Variants in EPHA3 observed in about 807,000 individuals in gnomAD.
EPHA3 encodes the protein EPH receptor A3.
Under a neutral mutation model 107.1 loss-of-function variants are expected in EPHA3, and 42 were observed. The observed-to-expected ratio is 0.39, with a 90% CI of 0.31 to 0.51. The LOEUF is 0.51. Among genes scored for constraint, EPHA3 ranks in the 20% least tolerant of loss-of-function variants. The probability of loss-of-function intolerance (pLI) is 0.78; values close to 1 mark genes in which losing one functional copy is unlikely to be tolerated. For missense variants in EPHA3, 1,183 were observed against 1,211.2 expected (o/e 0.98, Z 0.35); for synonymous variants, 461 against 424.8 (o/e 1.09, Z -1.05).
At chr3:89,258,274 C>T (rs1052515206) in intron 3 of EPHA3, among the ~76,000 whole-genome samples, 6 of 152,042 alleles carry the variant, frequency 3.9e-5, no homozygotes, top group East Asian at 3.9e-4. Flanking sequence ...ATAGGGATGA[C>T]GAGAGAAACG....
At chr3:89,223,159 T>A (rs1334504753) in intron 3 of EPHA3, among the ~76,000 whole-genome samples, 1 of 152,198 alleles carries the variant, frequency 6.6e-6, no homozygotes, top group East Asian at 1.9e-4. Flanking sequence ...GTATGCTGCT[T>A]TAAAATCTAT....
At chr3:89,378,883 CA>C (rs1708450487) in intron 5 of EPHA3, among the ~76,000 whole-genome samples, 1 of 152,088 alleles carries the variant, frequency 6.6e-6, no homozygotes, top group South Asian at 2.1e-4. Context: ...AATCAGTTCT[CA>C]AAATTCTGAG....
chr3:89,338,661 G>T (rs1448280883), intron 3 of EPHA3, among the ~76,000 whole-genome samples: 2 of 152,190 alleles, frequency 1.3e-5, no homozygotes, highest in Admixed American at 6.5e-5. Context: ...CCATTCTCCT[G>T]CCTCAGCCTC....
chr3:89,116,023 A>C (rs1473946231), intron 1 of EPHA3, among the ~76,000 whole-genome samples: 2 of 152,194 alleles, frequency 1.3e-5, no homozygotes, highest in Non-Finnish European at 2.9e-5. Flanking sequence ...GGTACTTTGG[A>C]ACTGTAGTTA....
intron 13 of EPHA3, among the ~76,000 whole-genome samples, chr3:89,431,583 T>G (rs371755418): frequency 6.6e-6 from 1 of 152,150 alleles, no homozygotes; most frequent in South Asian, 2.1e-4. Flanking sequence ...CTCAGTTTAA[T>G]GTTCCCCACC....
At chr3:89,276,560 C>CAT (rs1252105953) in intron 3 of EPHA3, among the ~76,000 whole-genome samples, 1 of 151,942 alleles carries the variant, frequency 6.6e-6, no homozygotes, top group Non-Finnish European at 1.5e-5. Flanking sequence ...TTAAAATGTG[C>CAT]ATATATATTA....
chr3:89,399,639 A>G, intron 7 of EPHA3, 159 bp downstream of exon 7: 1 of 1,305,672 alleles, frequency 7.7e-7, no homozygotes, highest in Non-Finnish European at 9.8e-7. Context: ...GTCTGTATAC[A>G]GTATTTGTGT....
chr3:89,472,743 G>C, intron 16 of EPHA3, 124 bp downstream of exon 16: 1 of 1,123,448 alleles, frequency 8.9e-7, no homozygotes, highest in Non-Finnish European at 1.2e-6. Flanking sequence ...CTGAGGTACT[G>C]ACTACCGCCT....
At chr3:89,259,548 T>TA (rs1233037262) in intron 3 of EPHA3, among the ~76,000 whole-genome samples, 2 of 152,196 alleles carry the variant, frequency 1.3e-5, no homozygotes, top group Non-Finnish European at 2.9e-5. Flanking sequence ...TACTGTTTTT[T>TA]AAAAAAGGTA....
chr3:89,431,327 G>A lies in EPHA3; in HGVS notation c.2314G>A (p.Glu772Lys), dbSNP rs1411035734. 1 of 1,613,562 alleles carries A rather than the reference G, an allele frequency of 6.2e-7. No individual in the cohort carries two copies. Among genetic ancestry groups the A allele is most frequent in the East Asian group, 2.2e-5 (1 of 44,812 alleles). Residue 772 changes from glutamate to lysine, a missense_variant, in exon 13 of 17, where the codon GAG (glutamate) becomes AAG (lysine). Coordinates refer to ENST00000336596, the MANE Select transcript of EPHA3 (RefSeq NM_005233.6). ...TGATTTCGGACTTTCGCGTGTCCTG[G>A]AGGATGACCCAGAAGCTGCTTATAC... Reference protein sequence around the residue: ...VSDFGLSRVLEDDPEAAYTTR... With the variant: ...VSDFGLSRVLKDDPEAAYTTR...
chr3:89,148,977 A>C (rs1194588865), intron 2 of EPHA3, among the ~76,000 whole-genome samples: 1 of 152,080 alleles, frequency 6.6e-6, no homozygotes, highest in Admixed American at 6.6e-5. Context: ...GAACCTGAGA[A>C]TACCGAGTCA....
At position 89,450,041 on chromosome 3, in the gene EPHA3, T is replaced by G. The variant is rs1709955311; in HGVS notation, c.2497-136T>G. 8 of 617,088 alleles carry G rather than the reference T, an allele frequency of 1.3e-5. No individual in the cohort carries two copies. The South Asian group carries it at 2.2e-4, about 17-fold the overall frequency. 38.2% of individuals were successfully genotyped at this position (617,088 alleles called of 1,614,324 possible). ...ATTTATTTGATCAGTTGTTATCCTTTTAGGCAACTAAAAATGAGAAGTTTT... is the reference window on the plus strand; with the variant it reads ...ATTTATTTGATCAGTTGTTATCCTTGTAGGCAACTAAAAATGAGAAGTTTT... On this transcript the variant is annotated intron_variant, in intron 14 of 16. Transcript: ENST00000336596.
chr3:89,451,080 G>T (rs373911936), intron 15 of EPHA3, among the ~76,000 whole-genome samples: 1 of 152,090 alleles, frequency 6.6e-6, no homozygotes, highest in Non-Finnish European at 1.5e-5. Context: ...TCTATATTGC[G>T]TATCAATTAC....
At chr3:89,261,076 G>A (rs1705403405) in intron 3 of EPHA3, among the ~76,000 whole-genome samples, 1 of 152,190 alleles carries the variant, frequency 6.6e-6, no homozygotes, top group South Asian at 2.1e-4. Flanking sequence ...TTTTCAGTAA[G>A]GTTTGCTAGC....
intron 16 of EPHA3, among the ~76,000 whole-genome samples, chr3:89,477,608 G>C (rs1441832514): frequency 6.6e-6 from 1 of 150,806 alleles, no homozygotes; most frequent in African/African-American, 2.4e-5. Flanking sequence ...AATCCCCTCT[G>C]TGTGTGTGTG....
At chr3:89,441,542 T>C (rs951634810) in intron 13 of EPHA3, among the ~76,000 whole-genome samples, 37 of 152,306 alleles carry the variant, frequency 2.4e-4, no homozygotes, top group African/African-American at 8.9e-4. Context: ...CTAGCTGAGC[T>C]TTTATAATAT....
At position 89,413,224 on chromosome 3, in the gene EPHA3, T is replaced by C. The variant is rs371156113; in HGVS notation, c.1846T>C (p.Leu616=). ...TQAVHEFAKE[L]DATNISIDKV... ...AGCTGTTCATGAGTTTGCCAAGGAA[T>C]TGGATGCCACCAACATATCCATTGA... The change falls in exon 10 of 17, where the codon TTG becomes CTG. Residue 616 remains leucine (L), a synonymous_variant. Coordinates refer to ENST00000336596, the MANE Select transcript of EPHA3 (RefSeq NM_005233.6). 2.5e-6 allele frequency: 4 copies of C among 1,611,832 alleles called. No individual in the cohort carries two copies. The highest frequency in any genetic ancestry group is 3.3e-5 in the Admixed American group (2 of 59,874).
chr3:89,295,973 A>C (rs1393532630), intron 3 of EPHA3, among the ~76,000 whole-genome samples: 1 of 152,204 alleles, frequency 6.6e-6, no homozygotes, highest in Non-Finnish European at 1.5e-5. Context: ...TTGCTCATCC[A>C]TAAGAAGCAA....
At position 89,278,250 on chromosome 3, in the gene EPHA3, A is replaced by G. The variant is rs1259433129; in HGVS notation, c.815-62666A>G. 2.0e-5 allele frequency among the ~76,000 whole-genome samples: 3 copies of G among 152,070 alleles called. No individual in the cohort carries two copies. The East Asian group carries it at 5.8e-4, about 29-fold the overall frequency. On this transcript the variant is annotated intron_variant, in intron 3 of 16. Coordinates refer to ENST00000336596, the MANE Select transcript of EPHA3 (RefSeq NM_005233.6). ...TGAAACATTATTCAGACAGGGTATCATGTTTGCTGGGTCTCTGTGGCATAC... is the reference window on the plus strand; with the variant it reads ...TGAAACATTATTCAGACAGGGTATCGTGTTTGCTGGGTCTCTGTGGCATAC...
Sources: allele counts gnomAD v4.1 joint callset (sites outside exome capture counted in the v4.1 genomes callset), GRCh38; gene constraint gnomAD v4.1.1; transcripts MANE v1.5; gene names NCBI Gene and HGNC (gene_info 2026-07-23, HGNC 2026-07-21).